Variants in PPP1R14C observed in about 807,000 individuals in gnomAD.
The protein encoded by PPP1R14C is protein phosphatase 1 regulatory inhibitor subunit 14C, also known as protein phosphatase 1 regulatory subunit 14C.
Under a neutral mutation model 20.4 loss-of-function variants are expected in PPP1R14C, and 16 were observed. The observed-to-expected ratio is 0.78, with a 90% CI of 0.53 to 1.19. The LOEUF (loss-of-function observed/expected upper bound fraction) is 1.19, where lower values mean the gene tolerates loss of function less well. Ranked by LOEUF, PPP1R14C falls within the 50% of genes most tolerant of loss-of-function variation. The pLI, the probability that PPP1R14C is intolerant of heterozygous loss-of-function variation, is 0.00. For synonymous variants in PPP1R14C, 91 were observed against 91.0 expected, an observed-to-expected ratio of 1.00 and a Z score of 0.00; for missense variants, 211 against 220.1, an observed-to-expected ratio of 0.96 and a Z score of 0.26.
intron 1 of PPP1R14C, among the ~76,000 whole-genome samples, chr6:150,188,904 G>A (rs1381993484): frequency 6.6e-6 from 1 of 151,030 alleles, no homozygotes; most frequent in African/African-American, 2.4e-5. Context: ...TGTCACCCAG[G>A]CTGGAGTGCA....
intron 1 of PPP1R14C, among the ~76,000 whole-genome samples, chr6:150,162,963 G>T (rs1777386620): frequency 6.6e-6 from 1 of 152,190 alleles, no homozygotes; most frequent in Admixed American, 6.5e-5. Flanking sequence ...CCAGCGGTGT[G>T]CAAAGCCCTG....
intron 3 of PPP1R14C, among the ~76,000 whole-genome samples, chr6:150,225,794 C>T (rs1562274403): frequency 1.3e-5 from 2 of 152,332 alleles, no homozygotes; most frequent in East Asian, 3.9e-4. Context: ...TATTAAAGCA[C>T]ATGACATAAA....
At chr6:150,182,336 T>C (rs139651746) in intron 1 of PPP1R14C, among the ~76,000 whole-genome samples, 48 of 152,294 alleles carry the variant, frequency 3.2e-4, no homozygotes, top group Non-Finnish European at 5.4e-4. Context: ...GCTTGAACAA[T>C]ATAGATGTGT....
At chr6:150,216,022 C>T (rs991404997) in intron 2 of PPP1R14C, among the ~76,000 whole-genome samples, 9 of 152,244 alleles carry the variant, frequency 5.9e-5, no homozygotes, top group South Asian at 2.1e-4. Flanking sequence ...TGGATCCTGC[C>T]GGGTTATATC....
At chr6:150,205,861 A>G (rs1777943345) in intron 1 of PPP1R14C, among the ~76,000 whole-genome samples, 3 of 152,234 alleles carry the variant, frequency 2.0e-5, no homozygotes, top group Middle Eastern at 3.4e-3. Flanking sequence ...CCCTAGTTAA[A>G]GCCAGTGTCA....
chr6:150,188,139 T>C (rs1253091079), intron 1 of PPP1R14C, among the ~76,000 whole-genome samples: 3 of 152,244 alleles, frequency 2.0e-5, no homozygotes, highest in Non-Finnish European at 4.4e-5. Context: ...GTGGTTGTTC[T>C]AATTTGTTGT....
chr6:150,219,285 G>T (rs2114914634), intron 3 of PPP1R14C, among the ~76,000 whole-genome samples: 2 of 152,258 alleles, frequency 1.3e-5, no homozygotes, highest in East Asian at 3.9e-4. Context: ...CTGGAGTGCA[G>T]TGGTACAATC....
chr6:150,164,823 G>GCC (rs1255604099), intron 1 of PPP1R14C: 1 of 152,182 alleles, frequency 6.6e-6, no homozygotes, highest in Non-Finnish European at 1.5e-5. Flanking sequence ...GGAATCCTAA[G>GCC]CCCCAGTATT....
intron 3 of PPP1R14C, among the ~76,000 whole-genome samples, chr6:150,227,396 A>G (rs2114921245): frequency 6.6e-6 from 1 of 152,332 alleles, no homozygotes; most frequent in African/African-American, 2.4e-5. Context: ...TAAATGTTCA[A>G]AGAACATTTA....
chr6:150,193,087 G>A (rs896291906), intron 1 of PPP1R14C, among the ~76,000 whole-genome samples: 20 of 152,150 alleles, frequency 1.3e-4, no homozygotes, highest in African/African-American at 4.6e-4. Flanking sequence ...TTTTTGTATA[G>A]GCTGTTCCTG....
At chr6:150,243,330 C>A (rs531809172) in intron 3 of PPP1R14C, among the ~76,000 whole-genome samples, 1 of 152,140 alleles carries the variant, frequency 6.6e-6, no homozygotes, top group African/African-American at 2.4e-5. Context: ...CACCTGCCAC[C>A]ATGCCTGGCT....
intron 1 of PPP1R14C, among the ~76,000 whole-genome samples, chr6:150,156,445 C>T (rs566124617): frequency 1.3e-5 from 2 of 152,266 alleles, no homozygotes; most frequent in Admixed American, 6.5e-5. Flanking sequence ...ATATTTTTCT[C>T]TTATATTTGT....
At chr6:150,209,481 G>A (rs569519012) in intron 1 of PPP1R14C, among the ~76,000 whole-genome samples, 50 of 150,686 alleles carry the variant, frequency 3.3e-4, no homozygotes, top group Admixed American at 6.6e-4. Flanking sequence ...GTGTGGAATG[G>A]GTGTATTCAT....
intron 1 of PPP1R14C, among the ~76,000 whole-genome samples, chr6:150,181,793 T>G (rs577698689): frequency 6.6e-6 from 1 of 152,392 alleles, no homozygotes; most frequent in African/African-American, 2.4e-5. Context: ...TGTGTATATG[T>G]GTTAAGATCT....
intron 3 of PPP1R14C, among the ~76,000 whole-genome samples, chr6:150,223,194 T>C (rs751834022): frequency 8.5e-5 from 13 of 152,178 alleles, no homozygotes; most frequent in Non-Finnish European, 8.8e-5. Flanking sequence ...TTCTTTTCAG[T>C]GCTGAATAAT....
chr6:150,197,669 C>A (rs912462713), intron 1 of PPP1R14C, among the ~76,000 whole-genome samples: 2 of 152,266 alleles, frequency 1.3e-5, no homozygotes, highest in Non-Finnish European at 2.9e-5. Context: ...ATCTGTGTCC[C>A]TGCCCGCCAC....
At chr6:150,238,875 T>C (rs1394110315) in intron 3 of PPP1R14C, among the ~76,000 whole-genome samples, 1 of 152,196 alleles carries the variant, frequency 6.6e-6, no homozygotes, top group East Asian at 1.9e-4. Flanking sequence ...CTGTAAAACC[T>C]CTACTACATT....
At position 150,248,743 on chromosome 6, in the gene PPP1R14C, T is replaced by C; in HGVS notation, c.424-3T>C. On this transcript the variant is annotated splice_polypyrimidine_tract_variant and splice_region_variant and intron_variant, in intron 3 of 3. Coordinates refer to ENST00000361131, the MANE Select transcript of PPP1R14C (RefSeq NM_030949.3). ...CATATTAACTTCTTCTGATCTCTTT[T>C]AGGAATTTATCAAAGAGCTGCTTTC... is the stretch of plus-strand genomic sequence containing the variant. 2 of 1,603,150 alleles carry C rather than the reference T, an allele frequency of 1.2e-6. No individual in the cohort carries two copies. The highest frequency in any genetic ancestry group is 1.7e-6 in the Non-Finnish European group (2 of 1,170,314).
Position 150,185,848 on chromosome 6 carries a change from C to T in PPP1R14C, c.307-28896C>T, listed in dbSNP as rs909364486. Reference sequence around the variant, plus strand: ...CACTCAGGGACCTAGGCTGCTGAGGCTCTGTGTAGACACATGTGGCCATGA... The same window carrying T: ...CACTCAGGGACCTAGGCTGCTGAGGTTCTGTGTAGACACATGTGGCCATGA... On this transcript the variant is annotated intron_variant, in intron 1 of 3. Coordinates refer to ENST00000361131, the MANE Select transcript of PPP1R14C (RefSeq NM_030949.3). This position sits in a 1 kb window ranked among gnomAD's most constrained non-coding sequence, Gnocchi z 4.1. 6.6e-6 allele frequency among the ~76,000 whole-genome samples: 1 copy of T among 152,196 alleles called. No individual in the cohort carries two copies.
Sources: gnomAD v4.1 joint callset for allele counts (sites outside exome capture counted in the v4.1 genomes callset) on GRCh38, gnomAD v4.1.1 for gene constraint, Gnocchi (gnomAD v3.1) non-coding constraint, MANE v1.5 for transcripts, NCBI Gene and HGNC (gene_info 2026-07-23, HGNC 2026-07-21) for gene names.